Variants in MAL2 observed in about 807,000 individuals in gnomAD.
MAL2 encodes the protein mal, T cell differentiation protein 2.
In MAL2, 17 loss-of-function variants were observed where a neutral mutation model predicts 18.1. The ratio of observed to expected loss-of-function variants is 0.94; its 90% CI spans 0.64 to 1.41. MAL2 has a LOEUF of 1.41. MAL2 is among the 40% of genes most tolerant of loss of function. The pLI is 0.00. For synonymous variants in MAL2, 102 were observed against 102.3 expected (o/e 1.00, Z 0.02); for missense variants, 222 against 231.9 (o/e 0.96, Z 0.28).
chr8:119,240,400 A>G, intron 3 of MAL2, 80 bp downstream of exon 3: 2 of 1,439,476 alleles, frequency 1.4e-6, no homozygotes, highest in Non-Finnish European at 1.9e-6. Flanking sequence ...TCCTCAGGCA[A>G]CAATAGTTTT....
chr8:119,218,920 G>T (rs1175976003), intron 1 of MAL2, among the ~76,000 whole-genome samples: 2 of 152,106 alleles, frequency 1.3e-5, no homozygotes, highest in Admixed American at 6.5e-5. Flanking sequence ...TTCTTAAACT[G>T]TATTTAAAGT....
chr8:119,240,923 T>G (rs919496240), intron 3 of MAL2, among the ~76,000 whole-genome samples: 3 of 152,190 alleles, frequency 2.0e-5, no homozygotes, highest in African/African-American at 7.2e-5. Context: ...TGGAGTGAAT[T>G]TGTCATTTTG....
chr8:119,216,900 A>G (rs935790435), intron 1 of MAL2, among the ~76,000 whole-genome samples: 17 of 152,342 alleles, frequency 1.1e-4, no homozygotes, highest in African/African-American at 4.1e-4. Flanking sequence ...AAAAATTTTT[A>G]GCTGTCAGAG....
At chr8:119,232,604 A>G (rs1817757207) in intron 2 of MAL2, among the ~76,000 whole-genome samples, 1 of 152,196 alleles carries the variant, frequency 6.6e-6, no homozygotes, top group African/African-American at 2.4e-5. Flanking sequence ...TTTTAATGAA[A>G]TATATGAATA....
chr8:119,220,414 AAC>A (rs1817444038), intron 1 of MAL2, among the ~76,000 whole-genome samples: 1 of 152,188 alleles, frequency 6.6e-6, no homozygotes, highest in Non-Finnish European at 1.5e-5. Context: ...AGAGCTGAGA[AAC>A]ACAGAGATGT....
At chr8:119,225,699 A>T (rs1011874417) in intron 2 of MAL2, among the ~76,000 whole-genome samples, 5 of 152,174 alleles carry the variant, frequency 3.3e-5, no homozygotes, top group African/African-American at 1.2e-4. Flanking sequence ...CGCCACACTG[A>T]CTTCCACAAT....
chr8:119,230,664 A>G (rs920095309), intron 2 of MAL2, among the ~76,000 whole-genome samples: 16 of 152,220 alleles, frequency 1.1e-4, no homozygotes. Context: ...CTTTATTTAA[A>G]GATAAACTAT....
intron 2 of MAL2, among the ~76,000 whole-genome samples, chr8:119,237,074 C>A (rs1817920013): frequency 1.3e-5 from 2 of 152,068 alleles, no homozygotes; most frequent in Non-Finnish European, 2.9e-5. Flanking sequence ...AAAGAAGAAT[C>A]AAATAGACAC....
chr8:119,230,440 G>C (rs544921892), intron 2 of MAL2, among the ~76,000 whole-genome samples: 3 of 151,796 alleles, frequency 2.0e-5, no homozygotes, highest in Admixed American at 6.6e-5. Flanking sequence ...TGGCAGGATT[G>C]GGGGGGCGGG....
intron 2 of MAL2, among the ~76,000 whole-genome samples, chr8:119,222,762 A>C (rs1407070313): frequency 6.6e-6 from 1 of 150,732 alleles, no homozygotes; most frequent in East Asian, 2.0e-4. Flanking sequence ...CAGGAAGTCG[A>C]GGCTGCAGTG....
chr8:119,243,397 TTTTG>T lies in MAL2; in HGVS notation c.460-16_460-13del, dbSNP rs555364671. ...TCGGTGTTGTAAATCTGATGTGAAT[TTTTG>T]TTTCTTTTTTCTTAGATTTTTGCCT... is the stretch of plus-strand genomic sequence containing the variant. On this transcript the variant is annotated splice_polypyrimidine_tract_variant and intron_variant, in intron 3 of 3. Transcript: ENST00000614891. 4.7e-4 allele frequency: 732 copies of T among 1,562,904 alleles called. 4 individuals carry two copies. The African/African-American group carries it at 8.9e-3, about 19-fold the overall frequency.
intron 1 of MAL2, among the ~76,000 whole-genome samples, chr8:119,211,430 G>A (rs1171996983): frequency 3.3e-5 from 5 of 152,154 alleles, no homozygotes; most frequent in African/African-American, 4.8e-5. Context: ...AATTGTACCT[G>A]ACAAAGGAGG....
chr8:119,233,383 C>A (rs929174384), intron 2 of MAL2, among the ~76,000 whole-genome samples: 7 of 152,000 alleles, frequency 4.6e-5, no homozygotes, highest in African/African-American at 1.7e-4. Flanking sequence ...TTAATGAATC[C>A]AGGAGCTGGT....
intron 1 of MAL2, among the ~76,000 whole-genome samples, chr8:119,213,020 TA>T (rs1482419104): frequency 6.6e-6 from 1 of 152,062 alleles, no homozygotes; most frequent in African/African-American, 2.4e-5. Context: ...GAAGAGCAGT[TA>T]GGGGGCTTAT....
rs1040075087 is a variant in MAL2, at chr8:119,236,582, A to T, written c.304-3583A>T. Among the ~76,000 whole-genome samples, 300 of 152,076 alleles carry T rather than the reference A, an allele frequency of 2.0e-3. 4 individuals are homozygous for T. The highest frequency in any genetic ancestry group is 7.0e-3 in the African/African-American group (288 of 41,438). On this transcript the variant is annotated intron_variant, in intron 2 of 3. Coordinates refer to ENST00000614891, the MANE Select transcript of MAL2 (RefSeq NM_052886.3). ...CAGCAAATGTAAAAGAACAGAAATT[A>T]TAACAAACTCTCTCAGACCACAGTG...
chr8:119,244,738 ATC>A lies in MAL2; in HGVS notation c.*1252_*1253del, dbSNP rs1818117067. 1 of 152,252 alleles carries A rather than the reference ATC, an allele frequency of 6.6e-6. No homozygotes were observed. The highest frequency in any genetic ancestry group is 2.4e-5 in the African/African-American group (1 of 41,442). The allele number at this position is 152,252 out of a possible 1,614,324, so 9.4% of individuals were successfully genotyped here. On this transcript the variant is annotated 3_prime_UTR_variant, in exon 4 of 4. Transcript: ENST00000614891. ...TGTTTTTGCACTGGTGACAGACAAA[ATC>A]TGTTTTAAAATCATATCCAGCACAA...
chr8:119,216,517 A>G (rs1817358367), intron 1 of MAL2, among the ~76,000 whole-genome samples: 1 of 152,210 alleles, frequency 6.6e-6, no homozygotes, highest in South Asian at 2.1e-4. Flanking sequence ...TGCTTATAAC[A>G]TAAGAGCTCA....
At chr8:119,232,959 G>C (rs1244846691) in intron 2 of MAL2, among the ~76,000 whole-genome samples, 1 of 152,096 alleles carries the variant, frequency 6.6e-6, no homozygotes, top group Non-Finnish European at 1.5e-5. Flanking sequence ...GAGACAGTTT[G>C]TTATAATTTC....
At chr8:119,235,448 T>G (rs200979097) in intron 2 of MAL2, among the ~76,000 whole-genome samples, 1 of 151,404 alleles carries the variant, frequency 6.6e-6, no homozygotes, top group Non-Finnish European at 1.5e-5. Context: ...ATACAGAGAA[T>G]GCCACAAAGA....
Sources: gnomAD v4.1 joint callset for allele counts (sites outside exome capture counted in the v4.1 genomes callset) on GRCh38, gnomAD v4.1.1 for gene constraint, MANE v1.5 for transcripts, NCBI Gene and HGNC (gene_info 2026-07-23, HGNC 2026-07-21) for gene names.